GRIK4: variants seen among roughly 807,000 people sequenced by gnomAD.
GRIK4 encodes the protein glutamate ionotropic receptor kainate type subunit 4, also known as glutamate receptor ionotropic, kainate 4.
In GRIK4, 40 loss-of-function variants were observed where a neutral mutation model predicts 104.9. That is an observed-to-expected ratio of 0.38 (90% CI 0.30 to 0.50). The LOEUF (loss-of-function observed/expected upper bound fraction) is 0.50. Among genes scored for constraint, GRIK4 ranks in the 20% least tolerant of loss-of-function variants. The pLI is 0.93. For synonymous variants in GRIK4, 485 were observed against 524.9 expected, an observed-to-expected ratio of 0.92 and a Z score of 1.04; for missense variants, 1,047 against 1,308.1, an observed-to-expected ratio of 0.80 and a Z score of 3.08.
chr11:120,550,042 G>A (rs1394822511), intron 1 of GRIK4, among the ~76,000 whole-genome samples: 1 of 152,108 alleles, frequency 6.6e-6, no homozygotes, highest in Admixed American at 6.6e-5. Flanking sequence ...GGATCCCATG[G>A]TCTGATTTAC....
At chr11:120,514,913 C>T (rs2052247882) in intron 1 of GRIK4, 1 of 453,974 alleles carries the variant, frequency 2.2e-6, no homozygotes, top group Non-Finnish European at 4.4e-6. Flanking sequence ...GAGTTACGGT[C>T]CTGAAAGCTT....
chr11:120,871,500 C>T (rs770957507), intron 9 of GRIK4: 28 of 415,618 alleles, frequency 6.7e-5, no homozygotes, highest in Admixed American at 3.3e-4. Flanking sequence ...CTCAGCCCAC[C>T]TCATCCTAGC....
chr11:120,805,001 C>T (rs1173146999), intron 4 of GRIK4, among the ~76,000 whole-genome samples: 1 of 152,200 alleles, frequency 6.6e-6, no homozygotes, highest in African/African-American at 2.4e-5. Context: ...AAAATAGTCC[C>T]TCATTTATTC....
intron 3 of GRIK4, among the ~76,000 whole-genome samples, chr11:120,733,715 T>C (rs1951177984): frequency 6.6e-6 from 1 of 151,956 alleles, no homozygotes; most frequent in Non-Finnish European, 1.5e-5. Context: ...TTTTTATTGG[T>C]TCATTGTTTA....
chr11:120,914,611 C>T (rs1016618433), intron 13 of GRIK4, among the ~76,000 whole-genome samples: 7 of 152,056 alleles, frequency 4.6e-5, no homozygotes, highest in East Asian at 3.9e-4. Flanking sequence ...ACTGCAGTGC[C>T]GTTGGTTCTG....
chr11:120,914,757 GGTTT>G (rs1267232585), intron 13 of GRIK4, among the ~76,000 whole-genome samples: 3 of 152,098 alleles, frequency 2.0e-5, no homozygotes, highest in Non-Finnish European at 4.4e-5. Context: ...AAGAGCAGGT[GGTTT>G]GTTTGTTTTA....
chr11:120,898,340 T>C (rs886975262), intron 11 of GRIK4, among the ~76,000 whole-genome samples, 192 bp from the exon 12 acceptor site: 2 of 151,612 alleles, frequency 1.3e-5, no homozygotes, highest in Non-Finnish European at 2.9e-5. Flanking sequence ...TCCCTGACTG[T>C]TACAGCCCCC....
At chr11:120,792,740 C>G (rs574757774) in intron 3 of GRIK4, among the ~76,000 whole-genome samples, 1 of 152,224 alleles carries the variant, frequency 6.6e-6, no homozygotes, top group East Asian at 1.9e-4. Flanking sequence ...CAGGAAGAAT[C>G]TAGGAGGGAA....
intron 1 of GRIK4, among the ~76,000 whole-genome samples, chr11:120,604,297 C>T (rs993676939): frequency 1.3e-5 from 2 of 152,084 alleles, no homozygotes; most frequent in African/African-American, 2.4e-5. Flanking sequence ...CCAGAGGTGC[C>T]GAGGTGTGGG....
At chr11:120,733,818 A>G (rs1951180523) in intron 3 of GRIK4, among the ~76,000 whole-genome samples, 1 of 149,890 alleles carries the variant, frequency 6.7e-6, no homozygotes, top group Non-Finnish European at 1.5e-5. Context: ...GCTCACTGCA[A>G]CCTCCACCTC....
intron 3 of GRIK4, among the ~76,000 whole-genome samples, chr11:120,729,608 A>T (rs907384210): frequency 5.9e-5 from 9 of 152,160 alleles, no homozygotes; most frequent in African/African-American, 2.2e-4. Context: ...TAATTGGATC[A>T]TTGGACTTTT....
intron 1 of GRIK4, among the ~76,000 whole-genome samples, chr11:120,533,146 T>C (rs2136082464): frequency 6.6e-6 from 1 of 152,254 alleles, no homozygotes; most frequent in South Asian, 2.1e-4. Flanking sequence ...CAGTTGGAAC[T>C]GCATTTCAAT....
rs921997242 is a variant in GRIK4, at chr11:120,660,247, C to T, written c.-50-22C>T. The T allele has an allele frequency of 8.2e-6, 9 of 1,096,542 alleles. No individual in the cohort carries two copies. The East Asian group carries it at 1.7e-4, about 20-fold the overall frequency. The allele number at this position is 1,096,542 out of a possible 1,614,324, so 67.9% of individuals were successfully genotyped here. A position where few individuals can be genotyped will look rare whatever the true frequency, so the allele number is the denominator to read the frequency against. ...CTAGCTGGAGCCTGGGACTCACGTG[C>T]CCCCAACCCCCTCTCTCGCAGAGTT... On this transcript the variant is annotated intron_variant, in intron 2 of 20. Transcript: ENST00000527524.
intron 3 of GRIK4, among the ~76,000 whole-genome samples, chr11:120,796,733 A>G (rs1371605416): frequency 6.6e-6 from 1 of 152,050 alleles, no homozygotes; most frequent in Non-Finnish European, 1.5e-5. Flanking sequence ...TGGAAGCCAG[A>G]CAGGACAGAA....
At chr11:120,768,351 C>T (rs1951875670) in intron 3 of GRIK4, among the ~76,000 whole-genome samples, 1 of 151,862 alleles carries the variant, frequency 6.6e-6, no homozygotes, top group Non-Finnish European at 1.5e-5. Context: ...CTTTTTCAGC[C>T]AAGTCATTAT....
intron 3 of GRIK4, among the ~76,000 whole-genome samples, chr11:120,743,829 T>A (rs1892975): frequency 0.46 from 69,859 of 152,168 alleles, 17,050 homozygotes; most frequent in Middle Eastern, 0.6. Flanking sequence ...ATTGTCTTAT[T>A]TATAAAATGG....
intron 3 of GRIK4, among the ~76,000 whole-genome samples, chr11:120,787,888 G>T (rs1952318996): frequency 1.4e-5 from 1 of 72,074 alleles, no homozygotes; most frequent in South Asian, 4.5e-4. Flanking sequence ...TTTTGAGATG[G>T]AGTCTCACTC....
At position 120,786,014 on chromosome 11, in the gene GRIK4, A is replaced by G. The variant is rs963860460; in HGVS notation, c.83-16679A>G. 3.3e-5 allele frequency among the ~76,000 whole-genome samples: 5 copies of G among 152,150 alleles called. No homozygotes were observed. The South Asian group carries it at 8.3e-4, about 25-fold the overall frequency. Reference sequence around the variant, plus strand: ...CTGCATTTCCCTTGCTCCCCAGTGCAACCTTCAAACATTTCCCCCATTCTT... The same window carrying G: ...CTGCATTTCCCTTGCTCCCCAGTGCGACCTTCAAACATTTCCCCCATTCTT... On this transcript the variant is annotated intron_variant, in intron 3 of 20. Coordinates refer to ENST00000527524, the MANE Select transcript of GRIK4 (RefSeq NM_014619.5).
intron 11 of GRIK4, among the ~76,000 whole-genome samples, chr11:120,885,416 A>G (rs2135714355): frequency 6.7e-6 from 1 of 148,502 alleles, no homozygotes; most frequent in South Asian, 2.1e-4. Context: ...ATGGAGTTTC[A>G]CTCTTATTGC....
Sources: allele counts gnomAD v4.1 joint callset (sites outside exome capture counted in the v4.1 genomes callset), GRCh38; gene constraint gnomAD v4.1.1; transcripts MANE v1.5; gene names NCBI Gene and HGNC (gene_info 2026-07-23, HGNC 2026-07-21).